MGRN1: variants seen among roughly 807,000 people sequenced by gnomAD.
MGRN1 encodes the protein E3 ubiquitin-protein ligase MGRN1.
MGRN1 carries 29 observed loss-of-function variants against 69.2 expected under a neutral mutation model. That is an observed-to-expected ratio of 0.42 (90% confidence interval 0.31 to 0.57). MGRN1 has a LOEUF of 0.57. Ranked by LOEUF, MGRN1 falls within the 20% of genes least tolerant of loss-of-function variation. The pLI is 0.15. For synonymous variants in MGRN1, 470 were observed against 344.2 expected (o/e 1.37, Z -4.04); for missense variants, 998 against 796.2 (o/e 1.25, Z -3.05).
At chr16:4,687,111 C>T in intron 16 of MGRN1, 1 of 985,462 alleles carries the variant, frequency 1.0e-6, no homozygotes, top group South Asian at 4.7e-5. Flanking sequence ...GTGCCATGAG[C>T]CCACTGCTGC....
At chr16:4,681,201 G>A in intron 12 of MGRN1, 8 of 299,904 alleles carry the variant, frequency 2.7e-5, no homozygotes, top group South Asian at 2.2e-4. Context: ...CTCTGCCCCC[G>A]CTCCCAGCTC....
chr16:4,648,278 T>TC (rs1156236252), intron 1 of MGRN1, among the ~76,000 whole-genome samples: 1 of 146,704 alleles, frequency 6.8e-6, no homozygotes, highest in East Asian at 2.0e-4. Context: ...CGGGGACTCT[T>TC]CCCGTGGTCA....
chr16:4,681,685 C>A lies in MGRN1; in HGVS notation c.1267C>A (p.Leu423Met), dbSNP rs1212193279. ...EITYSGISDG[L>M]SQASCPLAAI... ...CACCTATTCAGGCATCTCGGACGGC[C>A]TGTCCCAGGCCAGCTGTCCCCTCGC... Residue 423 changes from leucine to methionine, a missense_variant, in exon 13 of 17, where the codon CTG becomes ATG. Physicochemically the swap from Leu to Met is conservative, Grantham distance 15. Coordinates refer to ENST00000262370, the MANE Select transcript of MGRN1 (RefSeq NM_015246.4). The A allele has an allele frequency of 1.2e-6, 2 of 1,613,460 alleles. No homozygotes were observed. Among genetic ancestry groups the A allele is most frequent in the South Asian group, 2.2e-5 (2 of 91,092 alleles).
At chr16:4,639,287 G>C (rs1338998477) in intron 1 of MGRN1, among the ~76,000 whole-genome samples, 1 of 152,196 alleles carries the variant, frequency 6.6e-6, no homozygotes, top group African/African-American at 2.4e-5. Flanking sequence ...GGCGGCGGGA[G>C]CGTTGACCAC....
At chr16:4,688,696 C>T (rs2079390778) in intron 16 of MGRN1, 100 bp from the exon 17 acceptor site, 1 of 1,456,050 alleles carries the variant, frequency 6.9e-7, no homozygotes, top group African/African-American at 1.4e-5. Flanking sequence ...AGTGGGGGTG[C>T]TGGATGGCCC....
intron 12 of MGRN1, 35 bp downstream of exon 12, chr16:4,680,132 C>T: frequency 2.5e-6 from 4 of 1,603,446 alleles, no homozygotes; most frequent in Non-Finnish European, 3.4e-6. Context: ...GTTTTTTTGC[C>T]CCCGCCCTCA....
chr16:4,673,524 C>T lies in MGRN1; in HGVS notation c.822C>T (p.Asn274=), dbSNP rs982336272. ...TKPSDDENSD[N]SNECVVCLSD... ...CCTCGGACGACGAGAACAGCGACAA[C>T]AGCAACGAGTGTGTGGTGTGCCTGT... is the stretch of plus-strand genomic sequence containing the variant. The change falls in exon 10 of 17, where the codon AAC becomes AAT. Residue 274 remains asparagine (N), a synonymous_variant. Coordinates refer to ENST00000262370, the MANE Select transcript of MGRN1 (RefSeq NM_015246.4). 3.1e-6 allele frequency: 5 copies of T among 1,613,612 alleles called. No homozygotes were observed. Among genetic ancestry groups the T allele is most frequent in the African/African-American group, 1.3e-5 (1 of 75,060 alleles).
intron 1 of MGRN1, among the ~76,000 whole-genome samples, chr16:4,636,012 G>C (rs1898271228): frequency 6.6e-6 from 1 of 151,410 alleles, no homozygotes; most frequent in Admixed American, 6.6e-5. Flanking sequence ...ATGTTGGTCA[G>C]GCTGGTCTTG....
chr16:4,676,676 T>C (rs2079059942), intron 10 of MGRN1, among the ~76,000 whole-genome samples: 1 of 152,124 alleles, frequency 6.6e-6, no homozygotes, highest in Admixed American at 6.5e-5. Flanking sequence ...GTTTGGTGGT[T>C]CGGTTTCCTG....
At chr16:4,664,800 C>A (rs745773652) in intron 6 of MGRN1, 25 bp downstream of exon 6, 1 of 1,613,610 alleles carries the variant, frequency 6.2e-7, no homozygotes, top group South Asian at 1.1e-5. Context: ...TTCCGTCCTC[C>A]TGGGCGTGCA....
chr16:4,665,693 G>A (rs528127825), intron 7 of MGRN1, among the ~76,000 whole-genome samples: 2 of 140,732 alleles, frequency 1.4e-5, no homozygotes, highest in African/African-American at 5.4e-5. Context: ...TTTTTGAGGC[G>A]GAGTCTCACC....
intron 1 of MGRN1, among the ~76,000 whole-genome samples, chr16:4,638,807 T>A (rs1196890296): frequency 1.3e-5 from 2 of 152,210 alleles, no homozygotes; most frequent in African/African-American, 2.4e-5. Context: ...TCGGAGCCCC[T>A]GCAGACACCT....
At chr16:4,628,625 A>G (rs1350800693) in intron 1 of MGRN1, among the ~76,000 whole-genome samples, 1 of 152,030 alleles carries the variant, frequency 6.6e-6, no homozygotes, top group African/African-American at 2.4e-5. Context: ...GCTCAGTGCA[A>G]CGTCCGCCTC....
intron 5 of MGRN1, among the ~76,000 whole-genome samples, chr16:4,662,241 G>A (rs926115538): frequency 1.2e-4 from 18 of 152,136 alleles, no homozygotes; most frequent in African/African-American, 2.7e-4. Context: ...TTGGCCGGGC[G>A]CGGTGGCTGA....
intron 1 of MGRN1, among the ~76,000 whole-genome samples, chr16:4,629,429 G>T (rs1897877130): frequency 6.6e-6 from 1 of 152,086 alleles, no homozygotes; most frequent in South Asian, 2.1e-4. Context: ...AGTGGATACT[G>T]CTTTTGGAGT....
chr16:4,653,487 TTTTTG>T (rs911286855), intron 4 of MGRN1, among the ~76,000 whole-genome samples: 5 of 152,018 alleles, frequency 3.3e-5, no homozygotes, highest in African/African-American at 7.2e-5. Context: ...TTTTGTTTTG[TTTTTG>T]TTTTGTTTTG....
chr16:4,662,456 C>T (rs2078704667), intron 5 of MGRN1, among the ~76,000 whole-genome samples: 1 of 151,236 alleles, frequency 6.6e-6, no homozygotes, highest in South Asian at 2.1e-4. Flanking sequence ...GTGGAGGTTG[C>T]AGCGAGCCGA....
chr16:4,665,289 G>A (rs1437988049), intron 7 of MGRN1, 138 bp downstream of exon 7: 17 of 836,800 alleles, frequency 2.0e-5, no homozygotes, highest in African/African-American at 6.8e-5. Flanking sequence ...AGGTTGGGGC[G>A]TGTCTGTGGC....
chr16:4,642,500 G>GTGTGTGTGTGTGTGTGTT (rs925961228), intron 1 of MGRN1, among the ~76,000 whole-genome samples: 25 of 150,180 alleles, frequency 1.7e-4, no homozygotes, highest in African/African-American at 6.1e-4. Flanking sequence ...GTGTGTGTGT[G>GTGTGTGTGTGTGTGTGTT]TTTTTAGTAG....
Sources: gnomAD v4.1 joint callset for allele counts (sites outside exome capture counted in the v4.1 genomes callset) on GRCh38, gnomAD v4.1.1 for gene constraint, MANE v1.5 for transcripts, NCBI Gene and HGNC (gene_info 2026-07-23, HGNC 2026-07-21) for gene names.